The following KCNH8 variants were observed in gnomAD, a reference collection of about 807,000 sequenced individuals.
The protein encoded by KCNH8 is potassium voltage-gated channel subfamily H member 8, also known as voltage-gated delayed rectifier potassium channel KCNH8.
KCNH8 carries 70 observed loss-of-function variants against 103.6 expected under a neutral mutation model. That is an observed-to-expected ratio of 0.68 (90% CI 0.56 to 0.82). KCNH8 has a LOEUF of 0.82. Among genes scored for constraint, KCNH8 ranks in the 40% least tolerant of loss-of-function variants. The pLI, the probability that KCNH8 is intolerant of heterozygous loss-of-function variation, is 0.00. For synonymous variants in KCNH8, 498 were observed against 489.4 expected (o/e 1.02, Z -0.23); for missense variants, 1,217 against 1,329.9 (o/e 0.92, Z 1.32).
chr3:19,406,945 A>G (rs1055291851), intron 7 of KCNH8, among the ~76,000 whole-genome samples: 2 of 152,146 alleles, frequency 1.3e-5, no homozygotes, highest in Non-Finnish European at 2.9e-5. Context: ...TTGTATGAGA[A>G]GAAGAGGGGA....
At chr3:19,347,374 A>C (rs2065742445) in intron 4 of KCNH8, among the ~76,000 whole-genome samples, 1 of 152,138 alleles carries the variant, frequency 6.6e-6, no homozygotes, top group African/African-American at 2.4e-5. Flanking sequence ...TCATGACAAT[A>C]GGAATGTAAA....
chr3:19,174,573 TAAG>T (rs558581217), intron 1 of KCNH8, among the ~76,000 whole-genome samples: 63 of 152,308 alleles, frequency 4.1e-4, no homozygotes, highest in African/African-American at 1.5e-3. Flanking sequence ...TTCTCAATCT[TAAG>T]AACTAAATTA....
Position 19,148,805 on chromosome 3 carries a change from AC to A in KCNH8, c.76+11del. On this transcript the variant is annotated intron_variant, in intron 1 of 15. Transcript: ENST00000328405. ...CGTTTTGACGGAACACGTAAGTCTT[AC>A]ACTTGAACGAGTGGTATGGCATTTT... 1 of 1,611,826 alleles carries A rather than the reference AC, an allele frequency of 6.2e-7. No homozygotes were observed. Among genetic ancestry groups the A allele is most frequent in the Non-Finnish European group, 8.5e-7 (1 of 1,177,876 alleles).
At chr3:19,211,700 A>C (rs2063773158) in intron 1 of KCNH8, among the ~76,000 whole-genome samples, 1 of 152,132 alleles carries the variant, frequency 6.6e-6, no homozygotes, top group Admixed American at 6.5e-5. Context: ...TCAGGCTCCA[A>C]GACTGTGTCA....
At chr3:19,366,595 T>A (rs1224324192) in intron 5 of KCNH8, among the ~76,000 whole-genome samples, 1 of 152,072 alleles carries the variant, frequency 6.6e-6, no homozygotes, top group Non-Finnish European at 1.5e-5. Context: ...AAAGGGTTTT[T>A]TTCCCTCTTA....
intron 1 of KCNH8, among the ~76,000 whole-genome samples, chr3:19,240,573 C>T (rs1351888851): frequency 6.7e-6 from 1 of 150,326 alleles, no homozygotes; most frequent in Non-Finnish European, 1.5e-5. Context: ...GATCGTGCCA[C>T]TGTACTCCAG....
At chr3:19,386,486 T>C (rs980049288) in intron 5 of KCNH8, among the ~76,000 whole-genome samples, 1 of 152,154 alleles carries the variant, frequency 6.6e-6, no homozygotes, top group Non-Finnish European at 1.5e-5. Flanking sequence ...CATAAAGGAT[T>C]GCTTATGCAT....
At chr3:19,291,258 A>T (rs1206428238) in intron 3 of KCNH8, among the ~76,000 whole-genome samples, 2 of 151,756 alleles carry the variant, frequency 1.3e-5, no homozygotes, top group African/African-American at 4.8e-5. Flanking sequence ...TTCTACTCTG[A>T]TCTTAGTTAT....
At chr3:19,400,598 G>A (rs1487550863) in intron 7 of KCNH8, among the ~76,000 whole-genome samples, 1 of 151,922 alleles carries the variant, frequency 6.6e-6, no homozygotes, top group Non-Finnish European at 1.5e-5. Flanking sequence ...CATTGCAGAT[G>A]CCTAAAAGTG....
intron 5 of KCNH8, among the ~76,000 whole-genome samples, chr3:19,385,372 A>G (rs2066342555): frequency 6.6e-6 from 1 of 152,168 alleles, no homozygotes; most frequent in Non-Finnish European, 1.5e-5. Flanking sequence ...AAAAATAACT[A>G]CCTAATGATG....
chr3:19,443,703 C>T (rs1187920320), intron 8 of KCNH8, among the ~76,000 whole-genome samples: 7 of 151,468 alleles, frequency 4.6e-5, no homozygotes, highest in African/African-American at 1.7e-4. Flanking sequence ...AATTAATGAG[C>T]GAATTCAATA....
intron 1 of KCNH8, 137 bp from the exon 2 acceptor site, chr3:19,253,517 C>G (rs2064305350): frequency 2.9e-6 from 2 of 686,760 alleles, no homozygotes; most frequent in South Asian, 1.8e-5. Flanking sequence ...TTTGGAGTGT[C>G]TCTTTTCCAC....
At chr3:19,380,037 T>G (rs1032206046) in intron 5 of KCNH8, among the ~76,000 whole-genome samples, 1 of 152,202 alleles carries the variant, frequency 6.6e-6, no homozygotes, top group Non-Finnish European at 1.5e-5. Flanking sequence ...TTAATCCTTA[T>G]ATCAACAACC....
intron 3 of KCNH8, among the ~76,000 whole-genome samples, chr3:19,327,289 C>G (rs556866324): frequency 6.6e-6 from 1 of 152,210 alleles, no homozygotes; most frequent in Admixed American, 6.5e-5. Context: ...GCCATATTTA[C>G]TTACTTAGTT....
At chr3:19,232,369 G>A (rs2064005835) in intron 1 of KCNH8, among the ~76,000 whole-genome samples, 1 of 152,168 alleles carries the variant, frequency 6.6e-6, no homozygotes, top group South Asian at 2.1e-4. Flanking sequence ...GATGTTTGAT[G>A]TAGAAAATCT....
chr3:19,181,195 A>C (rs1022603949), intron 1 of KCNH8, among the ~76,000 whole-genome samples: 1 of 152,218 alleles, frequency 6.6e-6, no homozygotes, highest in Non-Finnish European at 1.5e-5. Context: ...TAATTTTTAA[A>C]AGATATACTT....
At chr3:19,323,757 A>G (rs2065383057) in intron 3 of KCNH8, among the ~76,000 whole-genome samples, 1 of 151,996 alleles carries the variant, frequency 6.6e-6, no homozygotes, top group Non-Finnish European at 1.5e-5. Flanking sequence ...CCGAACTGCA[A>G]TGATTGTTAT....
rs112435085 is a variant in KCNH8 at position 19,252,412 on chromosome 3, G to A, written c.77-1242G>A. Among the ~76,000 whole-genome samples the A allele has an allele frequency of 3.3e-3, 494 of 150,050 alleles. 4 individuals are homozygous for A. Among genetic ancestry groups the A allele is most frequent in the African/African-American group, 0.011 (448 of 40,808 alleles). The stretch of plus-strand genomic sequence containing the variant: ...CTCTTTTTTTTTTTCTTTTTGAGAC[G>A]GAGTTTCGCTCTTGTTGCCCAGGCT... On this transcript the variant is annotated intron_variant, in intron 1 of 15. Coordinates refer to ENST00000328405, the MANE Select transcript of KCNH8 (RefSeq NM_144633.3).
intron 7 of KCNH8, among the ~76,000 whole-genome samples, chr3:19,437,238 ACAC>A (rs968947497): frequency 7.3e-5 from 11 of 149,854 alleles, no homozygotes; most frequent in African/African-American, 2.8e-4. Context: ...GTTGCAACAC[ACAC>A]ATAGAGAAAG....
Sources: gnomAD v4.1 joint callset for allele counts (sites outside exome capture counted in the v4.1 genomes callset) on GRCh38, gnomAD v4.1.1 for gene constraint, MANE v1.5 for transcripts, NCBI Gene and HGNC (gene_info 2026-07-23, HGNC 2026-07-21) for gene names.